Variants in MRTFA observed in about 807,000 individuals in gnomAD.
MRTFA encodes myocardin related transcription factor A, also known as myocardin-related transcription factor A.
MRTFA carries 20 observed loss-of-function variants against 83.5 expected under a neutral mutation model. That is an observed-to-expected ratio of 0.24 (90% CI 0.17 to 0.35). MRTFA has a LOEUF of 0.35. MRTFA is among the 10% of genes least tolerant of loss of function. The probability of loss-of-function intolerance (pLI) is 1.00; values close to 1 mark genes in which losing one functional copy is unlikely to be tolerated. For missense variants in MRTFA, 1,200 were observed against 1,224.7 expected (o/e 0.98, Z 0.30); for synonymous variants, 659 against 541.2 (o/e 1.22, Z -3.02).
At chr22:40,520,618 G>A (rs776851376) in intron 3 of MRTFA, among the ~76,000 whole-genome samples, 3 of 152,108 alleles carry the variant, frequency 2.0e-5, no homozygotes, top group Non-Finnish European at 2.9e-5. Context: ...TGTTGCCCAG[G>A]CTGGTCTCAA....
In MRTFA at chr22:40,419,240, G is replaced by A. The variant is rs561876989; in HGVS notation, c.1498C>T (p.Leu500=). 1.7e-5 allele frequency: 28 copies of A among 1,610,872 alleles called. No individual in the cohort carries two copies. Among genetic ancestry groups the A allele is most frequent in the Non-Finnish European group, 2.3e-5 (27 of 1,178,700 alleles). ...ACCACCACCTCGCCAGCCTTGTGCA[G>A]GATAGAGGTGGCGGCAGGGGCCTTG... The change falls in exon 12 of 15, where the codon CTG becomes TTG. Residue 500 remains leucine, a synonymous_variant. Transcript: ENST00000355630.
intron 2 of MRTFA, among the ~76,000 whole-genome samples, chr22:40,573,096 T>C (rs549569320): frequency 3.9e-5 from 6 of 151,986 alleles, no homozygotes; most frequent in Non-Finnish European, 8.8e-5. Context: ...AGTAGATTAG[T>C]GGTTACCTGG....
intron 3 of MRTFA, among the ~76,000 whole-genome samples, chr22:40,483,658 C>G (rs1356534242): frequency 6.6e-6 from 1 of 151,318 alleles, no homozygotes. Flanking sequence ...GCACTCCAGC[C>G]TGGGTGACAG....
intron 3 of MRTFA, among the ~76,000 whole-genome samples, chr22:40,508,513 CAAAAAAAAAAAAA>C (rs1175724448): frequency 4.6e-4 from 12 of 26,068 alleles, no homozygotes; most frequent in Non-Finnish European, 7.4e-4. Context: ...CTCCGTCTCT[CAAAAAAAAAAAAA>C]AAAAAAAAAA....
chr22:40,415,681 C>G (rs936573036), intron 14 of MRTFA, among the ~76,000 whole-genome samples: 1 of 152,088 alleles, frequency 6.6e-6, no homozygotes, highest in Non-Finnish European at 1.5e-5. Context: ...CTCACACAGA[C>G]GCGCGCTATT....
At chr22:40,570,548 A>AGCCTAGGC (rs1041726217) in intron 2 of MRTFA, among the ~76,000 whole-genome samples, 28 of 133,998 alleles carry the variant, frequency 2.1e-4, no homozygotes, top group Non-Finnish European at 4.2e-4. Context: ...ACTGCACTCC[A>AGCCTAGGC]GCCTAGGCGA....
At chr22:40,628,413 A>G (rs2056604634) in intron 1 of MRTFA, among the ~76,000 whole-genome samples, 1 of 152,186 alleles carries the variant, frequency 6.6e-6, no homozygotes, top group African/African-American at 2.4e-5. Context: ...AAGAACAATT[A>G]TTTTCAAAAA....
chr22:40,429,231 T>C, intron 7 of MRTFA: 1 of 592,114 alleles, frequency 1.7e-6, no homozygotes, highest in Non-Finnish European at 3.0e-6. Flanking sequence ...AAGAAGAGAC[T>C]TCACTAATAA....
chr22:40,631,332 C>A (rs189702509), intron 1 of MRTFA, among the ~76,000 whole-genome samples: 79 of 152,228 alleles, frequency 5.2e-4, no homozygotes, highest in Non-Finnish European at 1.0e-3. Flanking sequence ...ATCATAATAA[C>A]CATGATAATG....
At chr22:40,607,386 C>A (rs1239460904) in intron 1 of MRTFA, among the ~76,000 whole-genome samples, 1 of 151,988 alleles carries the variant, frequency 6.6e-6, no homozygotes, top group Non-Finnish European at 1.5e-5. Context: ...CGCCTATAGT[C>A]CCAGCTACAC....
At position 40,459,814 on chromosome 22, in the gene MRTFA, C is replaced by CACAA. The variant is rs1555973757; in HGVS notation, c.307+3406_307+3407insTTGT. Among the ~76,000 whole-genome samples the CACAA allele has an allele frequency of 8.9e-3, 948 of 106,210 alleles. 4 individuals carry two copies. The highest frequency in any genetic ancestry group is 0.013 in the Non-Finnish European group (707 of 54,764). 69.7% of individuals were successfully genotyped at this position (106,210 alleles called of 152,430 possible). A position where few individuals can be genotyped will look rare whatever the true frequency, so the allele number is the denominator to read the frequency against. ...ACACACACACACACACACACACACACACACACACATATATACATATATATA... is the reference window on the plus strand; with the variant it reads ...ACACACACACACACACACACACACACACAAACACACACATATATACATATATATA... On this transcript the variant is annotated intron_variant, in intron 4 of 14. Transcript: ENST00000355630.
In MRTFA at chr22:40,587,174, T is replaced by C. The variant is rs1033121122; in HGVS notation, c.-22+7500A>G. On this transcript the variant is annotated intron_variant, in intron 2 of 14. Transcript: ENST00000355630. ...AGGTCTGTATTGATCATCTTGTGCA[T>C]GCAAAGATTGCAGTTACTCTTGAGG... 4 of 458,594 alleles carry C rather than the reference T, an allele frequency of 8.7e-6. No individual in the cohort carries two copies. In the Admixed American group the frequency reaches 9.7e-5, roughly 11 times the overall value. The allele number at this position is 458,594 out of a possible 1,614,324, so 28.4% of individuals were successfully genotyped here. A position where few individuals can be genotyped will look rare whatever the true frequency, so the allele number is the denominator to read the frequency against.
intron 3 of MRTFA, among the ~76,000 whole-genome samples, chr22:40,531,213 C>CT (rs562009071): frequency 2.6e-5 from 4 of 151,342 alleles, no homozygotes; most frequent in Non-Finnish European, 5.9e-5. Flanking sequence ...ATCCTCCCAC[C>CT]TCAGCTTCCC....
intron 1 of MRTFA, among the ~76,000 whole-genome samples, chr22:40,617,036 T>C (rs1002348042): frequency 1.3e-4 from 19 of 151,118 alleles, no homozygotes; most frequent in African/African-American, 4.6e-4. Context: ...TCCAGGGGCA[T>C]AGGTTGCAGT....
chr22:40,438,729 T>C (rs991388531), intron 4 of MRTFA, among the ~76,000 whole-genome samples: 2 of 152,156 alleles, frequency 1.3e-5, no homozygotes, highest in African/African-American at 4.8e-5. Context: ...TTTCTTACTA[T>C]GTCAGATTTA....
intron 3 of MRTFA, chr22:40,463,563 A>G (rs1664995196): frequency 8.4e-6 from 3 of 356,408 alleles, no homozygotes; most frequent in Non-Finnish European, 1.0e-5. Context: ...AAACCTCCAA[A>G]ACACTGAGTC....
chr22:40,431,450 A>C lies in MRTFA; in HGVS notation c.394T>G (p.Ser132Ala). 1 of 1,614,086 alleles carries C rather than the reference A, an allele frequency of 6.2e-7. No homozygotes were observed. The highest frequency in any genetic ancestry group is 8.5e-7 in the Non-Finnish European group (1 of 1,179,980). ...ACCAGCTCCGATCTCTCCGGCCGGG[A>C]ACGAATCTTCCGTTTGAGATAGTCC... Residue 132 changes from serine to alanine, a missense_variant, in exon 6 of 15, where the codon TCC becomes GCC. Ser to Ala is a moderately conservative substitution (Grantham distance 99). Coordinates refer to ENST00000355630, the MANE Select transcript of MRTFA (RefSeq NM_020831.6).
chr22:40,610,098 G>C (rs1020647967), intron 1 of MRTFA, among the ~76,000 whole-genome samples: 1 of 146,260 alleles, frequency 6.8e-6, no homozygotes, highest in Non-Finnish European at 1.5e-5. Flanking sequence ...CAGGCTTGGA[G>C]GGCAGTGGCG....
intron 1 of MRTFA, among the ~76,000 whole-genome samples, chr22:40,609,427 G>C (rs1390130262): frequency 4.2e-5 from 6 of 144,306 alleles, no homozygotes; most frequent in Non-Finnish European, 6.0e-5. Flanking sequence ...GCTATGGTGA[G>C]CTAAGACTGC....
Sources: allele counts gnomAD v4.1 joint callset (sites outside exome capture counted in the v4.1 genomes callset), GRCh38; gene constraint gnomAD v4.1.1; transcripts MANE v1.5; gene names NCBI Gene and HGNC (gene_info 2026-07-23, HGNC 2026-07-21).